Variants in RYR2 observed in about 807,000 individuals in gnomAD.
RYR2 encodes ryanodine receptor 2, also known as cardiac muscle ryanodine receptor-calcium release channel.
In RYR2, 227 loss-of-function variants were observed where a neutral mutation model predicts 601.1. That is an observed-to-expected ratio of 0.38 (90% CI 0.34 to 0.42). The LOEUF (loss-of-function observed/expected upper bound fraction) is 0.42. RYR2 is among the 10% of genes least tolerant of loss of function. RYR2 has a pLI of 1.00. For missense variants in RYR2, 4,646 were observed against 6,156.5 expected (o/e 0.75, Z 8.21); for synonymous variants, 2,223 against 2,175.1 (o/e 1.02, Z -0.61).
At chr1:237,631,772 C>T (rs1024319040) in intron 42 of RYR2, among the ~76,000 whole-genome samples, 6 of 151,420 alleles carry the variant, frequency 4.0e-5, no homozygotes, top group African/African-American at 1.2e-4. Context: ...GGATTAGAGG[C>T]GCCCGCCACC....
intron 34 of RYR2, among the ~76,000 whole-genome samples, chr1:237,595,907 G>A (rs562218674): frequency 1.3e-4 from 20 of 152,184 alleles, no homozygotes; most frequent in South Asian, 6.2e-4. Flanking sequence ...AATGCCTGTA[G>A]CGAGACCACT....
chr1:237,545,285 A>G (rs967715149), intron 25 of RYR2, among the ~76,000 whole-genome samples: 2 of 152,256 alleles, frequency 1.3e-5, no homozygotes, highest in Admixed American at 1.3e-4. Context: ...TAACTTGTCT[A>G]TAAGTTTTTA....
chr1:237,507,600 T>A (rs1472197884), intron 23 of RYR2, among the ~76,000 whole-genome samples: 1 of 152,264 alleles, frequency 6.6e-6, no homozygotes, highest in Non-Finnish European at 1.5e-5. Flanking sequence ...CATGTGATAC[T>A]CCACACTACT....
chr1:237,708,964 G>A lies in RYR2; in HGVS notation c.10008G>A (p.Glu3336=), dbSNP rs753175584. The A allele has an allele frequency of 1.4e-5, 22 of 1,613,490 alleles. No homozygotes were observed. Among genetic ancestry groups the A allele is most frequent in the Admixed American group, 1.7e-5 (1 of 59,974 alleles). The part of the protein sequence containing the change: ...LKKKAATVVS[E]EDHLKAEARG... ...AAAAGGCAGCTACGGTGGTGTCTGA[G>A]GAAGACCACCTGAAAGCTGAGGCCA... Residue 3336 remains glutamate, a synonymous_variant, in exon 69 of 105, where the codon GAG becomes GAA. Coordinates refer to ENST00000366574, the MANE Select transcript of RYR2 (RefSeq NM_001035.3).
intron 17 of RYR2, among the ~76,000 whole-genome samples, chr1:237,487,165 G>T (rs1379885185): frequency 2.0e-5 from 3 of 151,952 alleles, no homozygotes; most frequent in Admixed American, 6.6e-5. Context: ...TGGTCTTATT[G>T]AATGTATTTA....
chr1:237,641,473 C>CT (rs1420756398), intron 47 of RYR2, among the ~76,000 whole-genome samples: 2 of 17,260 alleles, frequency 1.2e-4, no homozygotes, highest in African/African-American at 1.7e-4. Context: ...GTCTGTCTGT[C>CT]TTTCTTTCTT....
intron 38 of RYR2, among the ~76,000 whole-genome samples, chr1:237,622,808 A>G (rs180766825): frequency 2.2e-4 from 34 of 152,330 alleles, no homozygotes; most frequent in African/African-American, 6.5e-4. Flanking sequence ...GTGCCATTTC[A>G]TATAGAAGAC....
Position 237,784,156 on chromosome 1 carries a change from C to T in RYR2, c.12444C>T (p.Val4148=). Residue 4148 remains valine (V), a synonymous_variant, in exon 90 of 105, where the codon GTC becomes GTT. Transcript: ENST00000366574. This position sits in a 1 kb window ranked among gnomAD's most constrained non-coding sequence, Gnocchi z 7.1. ...GAAGCGCCAAACGCATCGAGAGGGTCTATTTTGAAATCAGTGAGTCCAGCC... is the reference window on the plus strand; with the variant it reads ...GAAGCGCCAAACGCATCGAGAGGGTTTATTTTGAAATCAGTGAGTCCAGCC... ...IMGSAKRIER[V]YFEISESSRT... is the part of the protein sequence containing the mutation. 6.2e-7 allele frequency: 1 copy of T among 1,613,980 alleles called. No homozygotes were observed. The highest frequency in any genetic ancestry group is 8.5e-7 in the Non-Finnish European group (1 of 1,179,876).
At chr1:237,768,067 C>G (rs1238907059) in intron 84 of RYR2, among the ~76,000 whole-genome samples, 1 of 152,008 alleles carries the variant, frequency 6.6e-6, no homozygotes, top group Non-Finnish European at 1.5e-5. Context: ...AGAATAGTAG[C>G]CTTTAAAAAT....
At chr1:237,254,167 C>G (rs1003189131) in intron 1 of RYR2, among the ~76,000 whole-genome samples, 3 of 152,070 alleles carry the variant, frequency 2.0e-5, no homozygotes, top group African/African-American at 7.2e-5. Flanking sequence ...TGTTTATTCT[C>G]CTATGATGGT....
chr1:237,407,703 A>G lies in RYR2; in HGVS notation c.774-9346A>G, dbSNP rs185980932. Among the ~76,000 whole-genome samples the G allele has an allele frequency of 8.2e-3, 1,230 of 149,814 alleles. 9 individuals carry two copies. Among genetic ancestry groups the G allele is most frequent in the Non-Finnish European group, 0.012 (837 of 67,676 alleles). On this transcript the variant is annotated intron_variant, in intron 10 of 104. Transcript: ENST00000366574. Reference sequence around the variant, plus strand: ...ATGATCTCGGCTTACTGGAAGCTCAATCTCCTGGGTTCACGCCATTCTCCT... The same window carrying G: ...ATGATCTCGGCTTACTGGAAGCTCAGTCTCCTGGGTTCACGCCATTCTCCT...
intron 40 of RYR2, among the ~76,000 whole-genome samples, chr1:237,626,977 A>G (rs1236110860): frequency 6.6e-6 from 1 of 152,064 alleles, no homozygotes; most frequent in East Asian, 1.9e-4. Context: ...ATATATTGGC[A>G]TTTTATTTGC....
intron 1 of RYR2, among the ~76,000 whole-genome samples, chr1:237,173,850 A>G (rs1354374788): frequency 8.3e-6 from 1 of 120,930 alleles, no homozygotes; most frequent in Non-Finnish European, 2.1e-5. Flanking sequence ...AGGTCAGGAG[A>G]TCGAGACCAT....
intron 18 of RYR2, 32 bp from the exon 19 acceptor site, chr1:237,492,922 G>A (rs1663575404): frequency 6.7e-7 from 1 of 1,493,502 alleles, no homozygotes; most frequent in Non-Finnish European, 9.1e-7. Flanking sequence ...GGGAGGGAGG[G>A]AGGATCAGCT....
chr1:237,829,866 G>A (rs1341513894), intron 102 of RYR2, among the ~76,000 whole-genome samples: 1 of 152,066 alleles, frequency 6.6e-6, no homozygotes, highest in African/African-American at 2.4e-5. Flanking sequence ...TCTGCAAGGG[G>A]CAGACCTAAG....
chr1:237,351,794 T>A (rs957114535), intron 3 of RYR2, among the ~76,000 whole-genome samples: 3 of 145,960 alleles, frequency 2.1e-5, no homozygotes, highest in Non-Finnish European at 4.5e-5. Context: ...TTCATAATAC[T>A]TCCCAACTGA....
chr1:237,399,858 G>C (rs1344405659), intron 10 of RYR2, among the ~76,000 whole-genome samples: 1 of 152,128 alleles, frequency 6.6e-6, no homozygotes, highest in African/African-American at 2.4e-5. Context: ...TTATTGATTA[G>C]AGCTGATGGG....
rs116029955 is a variant in RYR2 at position 237,572,268 on chromosome 1, T to G, written c.3598+2949T>G. ...GGATGTGACTTAGGTTTCATTTTTTTAATTGGCTTTTTAAAAAATACTTGA... is the reference window on the plus strand; with the variant it reads ...GGATGTGACTTAGGTTTCATTTTTTGAATTGGCTTTTTAAAAAATACTTGA... On this transcript the variant is annotated intron_variant, in intron 29 of 104. Coordinates refer to ENST00000366574, the MANE Select transcript of RYR2 (RefSeq NM_001035.3). Among the ~76,000 whole-genome samples the G allele has an allele frequency of 9.1e-3, 1,387 of 152,276 alleles. 21 individuals are homozygous for G. The highest frequency in any genetic ancestry group is 0.032 in the African/African-American group (1,319 of 41,540).
chr1:237,500,991 C>G, intron 21 of RYR2, 88 bp downstream of exon 21: 1 of 1,268,282 alleles, frequency 7.9e-7, no homozygotes, highest in Non-Finnish European at 1.1e-6. Context: ...CCCTTCTTCT[C>G]TAACCATTGT....
Sources: allele counts gnomAD v4.1 joint callset (sites outside exome capture counted in the v4.1 genomes callset), GRCh38; gene constraint gnomAD v4.1.1; non-coding constraint Gnocchi (gnomAD v3.1); transcripts MANE v1.5; gene names NCBI Gene and HGNC (gene_info 2026-07-23, HGNC 2026-07-21).